The following GRIK2 variants were observed in gnomAD, a reference collection of about 807,000 sequenced individuals.
GRIK2 encodes the protein glutamate ionotropic receptor kainate type subunit 2, also known as glutamate receptor ionotropic, kainate 2.
GRIK2 carries 32 observed loss-of-function variants against 100.3 expected under a neutral mutation model. The ratio of observed to expected loss-of-function variants is 0.32; its 90% CI spans 0.24 to 0.43. The LOEUF is 0.43. GRIK2 is among the 20% of genes least tolerant of loss of function. The pLI is 1.00. For synonymous variants in GRIK2, 417 were observed against 389.4 expected, an observed-to-expected ratio of 1.07 and a Z score of -0.83; for missense variants, 843 against 1,114.9, an observed-to-expected ratio of 0.76 and a Z score of 3.47.
intron 9 of GRIK2, among the ~76,000 whole-genome samples, chr6:101,814,542 G>T (rs2128420155): frequency 6.6e-6 from 1 of 152,050 alleles, no homozygotes; most frequent in African/African-American, 2.4e-5. Flanking sequence ...ACTATTAAAA[G>T]CTAAATTGTT....
intron 14 of GRIK2, among the ~76,000 whole-genome samples, chr6:101,981,569 A>C (rs568712793): frequency 3.9e-5 from 6 of 152,060 alleles, no homozygotes; most frequent in Non-Finnish European, 5.9e-5. Context: ...TATGTAATAC[A>C]GTGGTATTAG....
intron 15 of GRIK2, among the ~76,000 whole-genome samples, chr6:102,048,484 A>G (rs1771014525): frequency 6.6e-6 from 1 of 152,168 alleles, no homozygotes; most frequent in Non-Finnish European, 1.5e-5. Context: ...AATCAAAACT[A>G]TATTAAGAAC....
intron 15 of GRIK2, among the ~76,000 whole-genome samples, chr6:102,037,042 C>G (rs1770307308): frequency 6.6e-6 from 1 of 150,682 alleles, no homozygotes; most frequent in African/African-American, 2.4e-5. Context: ...AATTTTCTAC[C>G]AAAAAATTTA....
chr6:101,430,050 A>T (rs1365982609), intron 2 of GRIK2, among the ~76,000 whole-genome samples: 1 of 152,172 alleles, frequency 6.6e-6, no homozygotes, highest in African/African-American at 2.4e-5. Flanking sequence ...ATCCTGGAAC[A>T]CTGAGCTCTG....
At chr6:101,634,082 G>A (rs572665298) in intron 4 of GRIK2, among the ~76,000 whole-genome samples, 26 of 152,218 alleles carry the variant, frequency 1.7e-4, no homozygotes, top group Non-Finnish European at 3.7e-4. Context: ...ACTGCAGTGT[G>A]GAGAATGTGT....
At chr6:101,435,635 A>G (rs1355265656) in intron 2 of GRIK2, among the ~76,000 whole-genome samples, 3 of 151,886 alleles carry the variant, frequency 2.0e-5, no homozygotes, top group Non-Finnish European at 4.4e-5. Flanking sequence ...CTCTATCTCT[A>G]GTTGTGTCTT....
chr6:101,641,278 C>T (rs1392434419), intron 4 of GRIK2, among the ~76,000 whole-genome samples: 2 of 151,924 alleles, frequency 1.3e-5, no homozygotes, highest in Non-Finnish European at 2.9e-5. Context: ...ATGATTCTGA[C>T]TTGTCATTTA....
Position 101,907,538 on chromosome 6 carries a change from A to G in GRIK2, c.1749-17063A>G, listed in dbSNP as rs114496752. 5.5e-3 allele frequency among the ~76,000 whole-genome samples: 828 copies of G among 151,810 alleles called. 5 individuals are homozygous for G. Among genetic ancestry groups the G allele is most frequent in the African/African-American group, 0.019 (781 of 41,486 alleles). On this transcript the variant is annotated intron_variant, in intron 12 of 16. Coordinates refer to ENST00000369134, the MANE Select transcript of GRIK2 (RefSeq NM_021956.5). ...GTGACCGCCTGCAGTGCACCACAGT[A>G]CGAAAGCAACATTTAGCCACCCAGT...
intron 7 of GRIK2, among the ~76,000 whole-genome samples, chr6:101,787,910 A>G (rs564418107): frequency 1.3e-5 from 2 of 152,108 alleles, no homozygotes; most frequent in Non-Finnish European, 2.9e-5. Context: ...GTCCTTAACT[A>G]TTTCTGTATT....
At chr6:101,677,794 C>T (rs1239991264) in intron 5 of GRIK2, among the ~76,000 whole-genome samples, 1 of 152,032 alleles carries the variant, frequency 6.6e-6, no homozygotes, top group East Asian at 1.9e-4. Flanking sequence ...AATTATATCC[C>T]GTTAAATATA....
At chr6:101,719,738 C>T (rs960343170) in intron 7 of GRIK2, among the ~76,000 whole-genome samples, 2 of 152,000 alleles carry the variant, frequency 1.3e-5, no homozygotes, top group African/African-American at 4.8e-5. Flanking sequence ...AAGGCCCCCT[C>T]TGCCAGATAA....
intron 2 of GRIK2, among the ~76,000 whole-genome samples, chr6:101,425,016 A>G (rs995103363): frequency 6.6e-6 from 1 of 151,410 alleles, no homozygotes; most frequent in Admixed American, 6.6e-5. Context: ...GAATAGTGCC[A>G]CAATAAACAT....
At chr6:101,575,499 C>G (rs1351402180) in intron 2 of GRIK2, among the ~76,000 whole-genome samples, 2 of 151,972 alleles carry the variant, frequency 1.3e-5, no homozygotes, top group Non-Finnish European at 2.9e-5. Context: ...AACCATTCTA[C>G]ATTAGTAAAT....
chr6:101,694,660 A>T (rs997238640), intron 7 of GRIK2, among the ~76,000 whole-genome samples: 10 of 152,032 alleles, frequency 6.6e-5, no homozygotes, highest in Admixed American at 1.3e-4. Context: ...CATAGAAGGA[A>T]GAGTGGATCT....
At chr6:101,569,448 A>C (rs1489828195) in intron 2 of GRIK2, among the ~76,000 whole-genome samples, 1 of 151,842 alleles carries the variant, frequency 6.6e-6, no homozygotes, top group Admixed American at 6.6e-5. Flanking sequence ...TGAAATCTAC[A>C]CAGGAAGTAA....
chr6:102,056,303 C>A (rs770682303), intron 16 of GRIK2, among the ~76,000 whole-genome samples: 3 of 151,842 alleles, frequency 2.0e-5, no homozygotes, highest in Non-Finnish European at 4.4e-5. Flanking sequence ...AAGTTTGTCA[C>A]CTCATTCAGA....
At chr6:101,680,892 C>T (rs1283656742) in intron 5 of GRIK2, among the ~76,000 whole-genome samples, 1 of 152,172 alleles carries the variant, frequency 6.6e-6, no homozygotes, top group Non-Finnish European at 1.5e-5. Context: ...GTATTACCCA[C>T]TGAAGAAATA....
At chr6:101,829,273 C>A (rs1217797115) in intron 10 of GRIK2, among the ~76,000 whole-genome samples, 1 of 151,810 alleles carries the variant, frequency 6.6e-6, no homozygotes, top group Non-Finnish European at 1.5e-5. Context: ...CAATGCTAAA[C>A]CCACAGCCAA....
chr6:101,399,376 A>C lies in GRIK2; in HGVS notation c.99A>C (p.Thr33=). 6.5e-7 allele frequency: 1 copy of C among 1,527,612 alleles called. No homozygotes were observed. Among genetic ancestry groups the C allele is most frequent in the South Asian group, 1.1e-5 (1 of 89,212 alleles). The allele number at this position is 1,527,612 out of a possible 1,614,324, so 94.6% of individuals were successfully genotyped here. A position where few individuals can be genotyped will look rare whatever the true frequency, so the allele number is the denominator to read the frequency against. Residue 33 remains threonine (T), a synonymous_variant, in exon 2 of 17, where the codon ACA becomes ACC. Coordinates refer to ENST00000369134, the MANE Select transcript of GRIK2 (RefSeq NM_021956.5). ...GGATTGGATATTCTCAAGGAACCAC[A>C]CATGTATTAAGATTTGGTAAGATTC... The part of the protein sequence containing the change: ...LLWIGYSQGT[T]HVLRFGGIFE...
Sources: allele counts gnomAD v4.1 joint callset (sites outside exome capture counted in the v4.1 genomes callset), GRCh38; gene constraint gnomAD v4.1.1; transcripts MANE v1.5; gene names NCBI Gene and HGNC (gene_info 2026-07-23, HGNC 2026-07-21).